PRKD1: variants seen among roughly 807,000 people sequenced by gnomAD.
PRKD1 encodes the protein serine/threonine-protein kinase D1.
In PRKD1, 63 loss-of-function variants were observed where a neutral mutation model predicts 95.9. That is an observed-to-expected ratio of 0.66 (90% CI 0.54 to 0.81). The LOEUF is 0.81. Among genes scored for constraint, PRKD1 ranks in the 30% least tolerant of loss-of-function variants. The probability of loss-of-function intolerance (pLI) is 0.00; values close to 1 mark genes in which losing one functional copy is unlikely to be tolerated. For synonymous variants in PRKD1, 425 were observed against 423.1 expected, an observed-to-expected ratio of 1.00 and a Z score of -0.05; for missense variants, 1,048 against 1,165.3, an observed-to-expected ratio of 0.90 and a Z score of 1.47.
intron 1 of PRKD1, among the ~76,000 whole-genome samples, chr14:29,835,279 C>A (rs1891568643): frequency 6.6e-6 from 1 of 152,162 alleles, no homozygotes; most frequent in Admixed American, 6.5e-5. Flanking sequence ...TAATAATTTG[C>A]ATCTCACATC....
At chr14:29,601,872 T>C (rs1333405386) in intron 13 of PRKD1, among the ~76,000 whole-genome samples, 1 of 152,208 alleles carries the variant, frequency 6.6e-6, no homozygotes, top group Non-Finnish European at 1.5e-5. Context: ...CACTGGCCTC[T>C]GAAGTGTCAA....
chr14:29,586,758 CA>C (rs1892947890), intron 16 of PRKD1, among the ~76,000 whole-genome samples: 1 of 152,138 alleles, frequency 6.6e-6, no homozygotes, highest in South Asian at 2.1e-4. Context: ...TCTCCTGCCT[CA>C]GCCTCCTGAG....
intron 1 of PRKD1, among the ~76,000 whole-genome samples, chr14:29,841,428 TGGGAAG>T (rs1891839126): frequency 6.6e-6 from 1 of 152,204 alleles, no homozygotes; most frequent in Admixed American, 6.5e-5. Flanking sequence ...CCACATGCTG[TGGGAAG>T]AACCCATTGG....
intron 4 of PRKD1, among the ~76,000 whole-genome samples, chr14:29,662,629 A>G (rs1446448362): frequency 6.6e-6 from 1 of 151,994 alleles, no homozygotes; most frequent in East Asian, 1.9e-4. Flanking sequence ...TTTCATTTAT[A>G]CTCCTGGTTT....
intron 4 of PRKD1, among the ~76,000 whole-genome samples, chr14:29,640,275 T>C (rs2139142066): frequency 6.6e-6 from 1 of 152,302 alleles, no homozygotes; most frequent in South Asian, 2.1e-4. Context: ...ACTCAGTTAA[T>C]TTCTAATTTT....
chr14:29,723,243 C>G (rs1271349270), intron 2 of PRKD1, among the ~76,000 whole-genome samples: 2 of 152,142 alleles, frequency 1.3e-5, no homozygotes. Flanking sequence ...GAAAATAAAT[C>G]ACTTCACTGC....
In PRKD1 at chr14:29,876,803, G is replaced by C. The variant is rs1210246585; in HGVS notation, c.264+50446C>G. On this transcript the variant is annotated intron_variant, in intron 1 of 17. Transcript: ENST00000331968. ...TTTCTCCATAGAAAATACACAAATAGACAACACATGAAAAGATGTCTGCAA... is the reference window on the plus strand; with the variant it reads ...TTTCTCCATAGAAAATACACAAATACACAACACATGAAAAGATGTCTGCAA... Among the ~76,000 whole-genome samples the C allele has an allele frequency of 2.0e-5, 3 of 151,750 alleles. No individual in the cohort carries two copies. In the East Asian group the frequency reaches 5.8e-4, roughly 29 times the overall value.
chr14:29,920,060 G>GGAAA (rs1895043962), intron 1 of PRKD1, among the ~76,000 whole-genome samples: 2 of 121,820 alleles, frequency 1.6e-5, no homozygotes, highest in Non-Finnish European at 3.2e-5. Context: ...AAGGAAGGAA[G>GGAAA]GAAGGAAAGA....
Position 29,837,118 on chromosome 14 carries a change from C to T in PRKD1, c.264+90131G>A, listed in dbSNP as rs377466380. On this transcript the variant is annotated intron_variant, in intron 1 of 17. Coordinates refer to ENST00000331968, the MANE Select transcript of PRKD1 (RefSeq NM_002742.3). ...TAAAAACTGTAAAAGGGGTCATGCA[C>T]CTCCACACCATAAATAATTCCGAGA... Among the ~76,000 whole-genome samples, 9 of 152,200 alleles carry T rather than the reference C, an allele frequency of 5.9e-5. No homozygotes were observed. In the East Asian group the frequency reaches 1.2e-3, roughly 20 times the overall value.
chr14:29,926,813 C>T (rs553812105), intron 1 of PRKD1, among the ~76,000 whole-genome samples: 2 of 152,140 alleles, frequency 1.3e-5, no homozygotes, highest in South Asian at 2.1e-4. Context: ...TGAGAAATTC[C>T]TTGTCTCCAG....
intron 2 of PRKD1, among the ~76,000 whole-genome samples, chr14:29,687,783 C>A (rs962827174): frequency 6.6e-6 from 1 of 152,200 alleles, no homozygotes; most frequent in South Asian, 2.1e-4. Context: ...CAACAATTTA[C>A]CCACATCTAG....
intron 1 of PRKD1, among the ~76,000 whole-genome samples, chr14:29,808,061 A>G (rs973652446): frequency 1.3e-5 from 2 of 152,122 alleles, no homozygotes; most frequent in Non-Finnish European, 2.9e-5. Context: ...TGTTTGCTGC[A>G]TCGGTTGACT....
At chr14:29,923,761 C>A (rs1415049906) in intron 1 of PRKD1, among the ~76,000 whole-genome samples, 2 of 135,450 alleles carry the variant, frequency 1.5e-5, no homozygotes, top group South Asian at 2.3e-4. Flanking sequence ...AATGAACAAT[C>A]ATATTAATGG....
At chr14:29,877,023 G>A (rs973734352) in intron 1 of PRKD1, among the ~76,000 whole-genome samples, 1 of 152,090 alleles carries the variant, frequency 6.6e-6, no homozygotes, top group Non-Finnish European at 1.5e-5. Flanking sequence ...GTGGTGGTGT[G>A]TGCCTGTAAC....
chr14:29,689,615 ATT>A (rs1884112714), intron 2 of PRKD1, among the ~76,000 whole-genome samples: 1 of 152,228 alleles, frequency 6.6e-6, no homozygotes, highest in African/African-American at 2.4e-5. Context: ...CAGCAATCCC[ATT>A]ACAGGGTATA....
intron 1 of PRKD1, among the ~76,000 whole-genome samples, chr14:29,746,014 T>G (rs1317419936): frequency 6.6e-6 from 1 of 152,192 alleles, no homozygotes; most frequent in Non-Finnish European, 1.5e-5. Flanking sequence ...CAGTATTTAT[T>G]TTTAGAAATC....
At chr14:29,661,355 T>C (rs1594405284) in intron 4 of PRKD1, among the ~76,000 whole-genome samples, 1 of 152,192 alleles carries the variant, frequency 6.6e-6, no homozygotes. Flanking sequence ...CTTTAATGTA[T>C]ATAGAACCCA....
chr14:29,920,946 C>T (rs894400451), intron 1 of PRKD1, among the ~76,000 whole-genome samples: 1 of 152,182 alleles, frequency 6.6e-6, no homozygotes, highest in Non-Finnish European at 1.5e-5. Context: ...AATCTCCCTA[C>T]GTCATTTCCA....
chr14:29,630,758 T>C lies in PRKD1; in HGVS notation c.1656A>G (p.Thr552=). ...CAGACTCACTGTGCAAGTTGGTTCC[T>C]GTACCCACGGAGGAGCCCTTGGGAA... The part of the protein sequence containing the change: ...PVIPKGSSVG[T]GTNLHRDISV... Residue 552 remains threonine, a synonymous_variant, in exon 10 of 18, where the codon ACA becomes ACG. Coordinates refer to ENST00000331968, the MANE Select transcript of PRKD1 (RefSeq NM_002742.3). The C allele has an allele frequency of 6.2e-7, 1 of 1,614,076 alleles. No homozygotes were observed. Among genetic ancestry groups the C allele is most frequent in the East Asian group, 2.2e-5 (1 of 44,862 alleles).
Sources: allele counts gnomAD v4.1 joint callset (sites outside exome capture counted in the v4.1 genomes callset), GRCh38; gene constraint gnomAD v4.1.1; transcripts MANE v1.5; gene names NCBI Gene and HGNC (gene_info 2026-07-23, HGNC 2026-07-21).